Variants in IQSEC1 observed in about 807,000 individuals in gnomAD.
IQSEC1 encodes IQ motif and SEC7 domain-containing protein 1.
Under a neutral mutation model 91.0 loss-of-function variants are expected in IQSEC1, and 31 were observed. That is an observed-to-expected ratio of 0.34 (90% CI 0.26 to 0.46). The LOEUF is 0.46. Ranked by LOEUF, IQSEC1 falls within the 20% of genes least tolerant of loss-of-function variation. The pLI, the probability that IQSEC1 is intolerant of heterozygous loss-of-function variation, is 1.00. For synonymous variants in IQSEC1, 699 were observed against 662.6 expected (o/e 1.05, Z -0.84); for missense variants, 1,388 against 1,575.6 (o/e 0.88, Z 2.02).
At chr3:13,216,652 A>C (rs556828029) in intron 1 of IQSEC1, among the ~76,000 whole-genome samples, 3 of 152,178 alleles carry the variant, frequency 2.0e-5, no homozygotes, top group Non-Finnish European at 4.4e-5. Flanking sequence ...CCCATCAGTA[A>C]ACCCACCAGA....
At chr3:12,950,214 C>G (rs1273197222) in intron 1 of IQSEC1, among the ~76,000 whole-genome samples, 1 of 152,258 alleles carries the variant, frequency 6.6e-6, no homozygotes, top group Non-Finnish European at 1.5e-5. Context: ...CTGCAGACCA[C>G]AGAGCAGAGC....
At chr3:13,072,216 G>A (rs188155347) in intron 1 of IQSEC1, among the ~76,000 whole-genome samples, 5 of 152,356 alleles carry the variant, frequency 3.3e-5, no homozygotes, top group African/African-American at 9.6e-5. Flanking sequence ...GAGACCTGAC[G>A]CTGGGCCTCA....
At chr3:13,184,285 C>T (rs1693894374) in intron 1 of IQSEC1, among the ~76,000 whole-genome samples, 1 of 152,136 alleles carries the variant, frequency 6.6e-6, no homozygotes, top group Admixed American at 6.5e-5. Context: ...AAATAAAATC[C>T]CACAATGAAG....
upstream of IQSEC1, among the ~76,000 whole-genome samples, chr3:13,077,030 C>CTTT (rs11360262): frequency 6.9e-6 from 1 of 144,854 alleles, no homozygotes; most frequent in Non-Finnish European, 1.5e-5. Flanking sequence ...TTCTTTCTTT[C>CTTT]TTTTTTTTTT....
At chr3:13,007,231 C>T (rs1702675273) in intron 1 of IQSEC1, among the ~76,000 whole-genome samples, 1 of 152,182 alleles carries the variant, frequency 6.6e-6, no homozygotes, top group South Asian at 2.1e-4. Flanking sequence ...GACAGAACCC[C>T]TAGGAAGAGG....
At chr3:13,192,453 C>T (rs964827146) in intron 1 of IQSEC1, among the ~76,000 whole-genome samples, 1 of 152,018 alleles carries the variant, frequency 6.6e-6, no homozygotes, top group Non-Finnish European at 1.5e-5. Context: ...GTCTATAACG[C>T]GAGGGAAGTT....
chr3:13,105,498 G>T lies in IQSEC1; in HGVS notation c.303-57976C>A, dbSNP rs545117473. On this transcript the variant is annotated intron_variant, in intron 2 of 15. Coordinates refer to the IQSEC1 transcript ENST00000648114. ...TTGAGAAAACCAAGAAAAATCAGGG[G>T]CATGGTGAATCCTGAAAAACACGTG... Among the ~76,000 whole-genome samples, 8 of 152,274 alleles carry T rather than the reference G, an allele frequency of 5.3e-5. No homozygotes were observed. The East Asian group carries it at 1.5e-3, about 29-fold the overall frequency.
At chr3:13,171,767 C>T (rs1262576452) in intron 1 of IQSEC1, among the ~76,000 whole-genome samples, 2 of 152,180 alleles carry the variant, frequency 1.3e-5, no homozygotes, top group Admixed American at 1.3e-4. Context: ...AATCCTCCTC[C>T]CTCTCCCTGG....
chr3:13,021,852 C>T (rs1703413376), intron 1 of IQSEC1, among the ~76,000 whole-genome samples: 1 of 152,196 alleles, frequency 6.6e-6, no homozygotes, highest in African/African-American at 2.4e-5. Flanking sequence ...GCTCTGGATC[C>T]CAGCCAATCG....
chr3:13,014,090 G>C (rs530809177), intron 1 of IQSEC1, among the ~76,000 whole-genome samples: 60 of 152,310 alleles, frequency 3.9e-4, no homozygotes, highest in Middle Eastern at 3.4e-3. Context: ...GCTGGAGGTA[G>C]CTGAGCTGGA....
chr3:13,268,629 T>C (rs146861511), intron 1 of IQSEC1, among the ~76,000 whole-genome samples: 95 of 152,300 alleles, frequency 6.2e-4, no homozygotes, highest in African/African-American at 2.1e-3. Context: ...AAAAGATGTT[T>C]CAGGAGGAAA....
At chr3:13,258,153 C>A (rs567525229) in intron 1 of IQSEC1, among the ~76,000 whole-genome samples, 2 of 152,236 alleles carry the variant, frequency 1.3e-5, no homozygotes, top group South Asian at 2.1e-4. Flanking sequence ...GCCACAATGG[C>A]AGAACAAGCC....
At chr3:13,120,396 G>A (rs1025937564) in intron 2 of IQSEC1, among the ~76,000 whole-genome samples, 1 of 152,128 alleles carries the variant, frequency 6.6e-6, no homozygotes, top group African/African-American at 2.4e-5. Flanking sequence ...AGGGAGACAC[G>A]GGCCAAGTAG....
At position 12,983,691 on chromosome 3, in the gene IQSEC1, T is replaced by C. The variant is rs543817293; in HGVS notation, c.24-41826A>G. 9.2e-5 allele frequency among the ~76,000 whole-genome samples: 14 copies of C among 152,274 alleles called. No individual in the cohort carries two copies. The highest frequency in any genetic ancestry group is 3.1e-4 in the African/African-American group (13 of 41,556). On this transcript the variant is annotated intron_variant, in intron 1 of 13. Coordinates refer to ENST00000613206, the MANE Select transcript of IQSEC1 (RefSeq NM_001134382.3). The surrounding 1 kb of genome is among the most constrained non-coding windows in gnomAD (Gnocchi z 4.3). ...CTCACAGGCCACGCTGGGCAATTCC[T>C]CCCAGCACCTGGGCGATGCTGTTCA...
At chr3:13,179,762 T>C (rs9813747) in intron 1 of IQSEC1, among the ~76,000 whole-genome samples, 4,967 of 151,990 alleles carry the variant, frequency 0.033, 265 homozygotes, top group African/African-American at 0.11. Flanking sequence ...GAGGGAGAGG[T>C]GCGGGCGGGA....
At chr3:13,105,206 A>C (rs1706133020) in intron 2 of IQSEC1, among the ~76,000 whole-genome samples, 1 of 151,860 alleles carries the variant, frequency 6.6e-6, no homozygotes, top group African/African-American at 2.4e-5. Flanking sequence ...AACACCCTCT[A>C]CTCAGAACAG....
At chr3:13,200,750 A>G (rs1353908728) in intron 1 of IQSEC1, among the ~76,000 whole-genome samples, 1 of 152,136 alleles carries the variant, frequency 6.6e-6, no homozygotes, top group African/African-American at 2.4e-5. Flanking sequence ...TACATTTCAC[A>G]CACATGTTGC....
chr3:13,228,187 C>T (rs1694789038), intron 1 of IQSEC1, among the ~76,000 whole-genome samples: 2 of 152,160 alleles, frequency 1.3e-5, no homozygotes, highest in Admixed American at 1.3e-4. Context: ...CACCTGGGAA[C>T]AGCTGATGAC....
chr3:13,149,547 C>T (rs751324136), intron 2 of IQSEC1, among the ~76,000 whole-genome samples: 15 of 152,158 alleles, frequency 9.9e-5, no homozygotes, highest in Middle Eastern at 3.4e-3. Flanking sequence ...CGGGGGAGGA[C>T]GCAGCCTGTC....
Sources: gnomAD v4.1 joint callset for allele counts (sites outside exome capture counted in the v4.1 genomes callset) on GRCh38, gnomAD v4.1.1 for gene constraint, Gnocchi (gnomAD v3.1) non-coding constraint, MANE v1.5 for transcripts, NCBI Gene and HGNC (gene_info 2026-07-23, HGNC 2026-07-21) for gene names.